The following SVIL variants were observed in gnomAD, a reference collection of about 807,000 sequenced individuals.
SVIL encodes archvillin.
SVIL carries 101 observed loss-of-function variants against 240.4 expected under a neutral mutation model. The ratio of observed to expected loss-of-function variants is 0.42; its 90% CI spans 0.36 to 0.50. SVIL has a LOEUF of 0.50. Ranked by LOEUF, SVIL falls within the 20% of genes least tolerant of loss-of-function variation. SVIL has a pLI of 0.01. For synonymous variants in SVIL, 999 were observed against 1,100.0 expected, an observed-to-expected ratio of 0.91 and a Z score of 1.82; for missense variants, 2,512 against 2,818.7, an observed-to-expected ratio of 0.89 and a Z score of 2.46.
chr10:29,624,085 G>T (rs1364149252), intron 1 of SVIL, among the ~76,000 whole-genome samples: 6 of 145,260 alleles, frequency 4.1e-5, no homozygotes, highest in African/African-American at 1.5e-4. Flanking sequence ...ACATGCATTT[G>T]TTCTTCACTT....
At chr10:29,567,961 G>A (rs1412616102) in intron 2 of SVIL, among the ~76,000 whole-genome samples, 1 of 150,816 alleles carries the variant, frequency 6.6e-6, no homozygotes, top group Non-Finnish European at 1.5e-5. Flanking sequence ...AGCTTGCAGT[G>A]AGCTGAGATC....
chr10:29,545,620 G>A (rs948300217), intron 6 of SVIL, among the ~76,000 whole-genome samples: 2 of 152,110 alleles, frequency 1.3e-5, no homozygotes, highest in East Asian at 1.9e-4. Flanking sequence ...ATTTTAGGAC[G>A]CCGAGGTGGG....
intron 1 of SVIL, among the ~76,000 whole-genome samples, chr10:29,705,982 T>G (rs978160173): frequency 1.3e-5 from 2 of 152,228 alleles, no homozygotes; most frequent in African/African-American, 4.8e-5. Context: ...GAATAATTGA[T>G]TTATATTCCT....
rs74494828 is a variant in SVIL at position 29,716,648 on chromosome 10, A to G, written c.-400+19103T>C. Among the ~76,000 whole-genome samples, 11 of 152,346 alleles carry G rather than the reference A, an allele frequency of 7.2e-5. No homozygotes were observed. The East Asian group carries it at 2.1e-3, about 29-fold the overall frequency. ...CCCCTCGACAGTCAAAAACAGATCA[A>G]TGAAATTAGTCACTCAAAATAAGAA... On this transcript the variant is annotated intron_variant, in intron 1 of 35. Coordinates refer to the SVIL transcript ENST00000375400.
chr10:29,729,897 G>A (rs117123013), intron 1 of SVIL, among the ~76,000 whole-genome samples: 1,674 of 144,020 alleles, frequency 0.012, 26 homozygotes, highest in Non-Finnish European at 0.018. Flanking sequence ...ACTTAGAAAC[G>A]TAACATGATG....
chr10:29,683,170 G>T (rs1301447279), intron 2 of SVIL, among the ~76,000 whole-genome samples: 1 of 152,198 alleles, frequency 6.6e-6, no homozygotes. Context: ...GCTGGGAGTG[G>T]GGGTGAGGGC....
chr10:29,494,862 A>C, intron 20 of SVIL, 52 bp downstream of exon 20: 1 of 1,557,158 alleles, frequency 6.4e-7, no homozygotes, highest in Non-Finnish European at 8.8e-7. Context: ...AAGCAATCAG[A>C]ATTAGGATTT....
intron 1 of SVIL, among the ~76,000 whole-genome samples, chr10:29,614,203 T>A (rs571678598): frequency 9.2e-5 from 14 of 152,324 alleles, no homozygotes; most frequent in Admixed American, 3.9e-4. Flanking sequence ...TTTACTTTTA[T>A]CACTGAAGTT....
At chr10:29,529,189 A>C (rs1432808996) in intron 12 of SVIL, among the ~76,000 whole-genome samples, 1 of 149,730 alleles carries the variant, frequency 6.7e-6, no homozygotes. Flanking sequence ...AAAAAAAAAA[A>C]AAAAAAAAAA....
intron 2 of SVIL, among the ~76,000 whole-genome samples, chr10:29,679,159 T>C (rs1330462755): frequency 6.6e-6 from 1 of 152,136 alleles, no homozygotes; most frequent in Non-Finnish European, 1.5e-5. Flanking sequence ...GAGCAGAGAT[T>C]GTGCCACTGC....
chr10:29,473,675 C>T, intron 30 of SVIL, 163 bp downstream of exon 30: 1 of 826,078 alleles, frequency 1.2e-6, no homozygotes, highest in Non-Finnish European at 1.9e-6. Flanking sequence ...AAATGGGAGG[C>T]ACAGCCTGAG....
At chr10:29,508,464 T>C in intron 17 of SVIL, 1 of 1,187,644 alleles carries the variant, frequency 8.4e-7, no homozygotes, top group Non-Finnish European at 1.1e-6. Context: ...CGCAATCACC[T>C]TCAAGTATTT....
At chr10:29,635,943 CT>C (rs1483396258), upstream of SVIL, among the ~76,000 whole-genome samples, 2 of 152,154 alleles carry the variant, frequency 1.3e-5, no homozygotes, top group Non-Finnish European at 2.9e-5. Flanking sequence ...CAGGAGGCCT[CT>C]CAAAGCAGGA....
At position 29,523,612 on chromosome 10, in the gene SVIL, A is replaced by G; in HGVS notation, c.3002T>C (p.Leu1001Pro). ...SKYAVPRRGS[L>P]ERANPPITHL... ...GGTGATGGGAGGGTTCGCCCGTTCCAGGCTTCCTCTTCTGGGAACAGCATA... is the reference window on the plus strand; with the variant it reads ...GGTGATGGGAGGGTTCGCCCGTTCCGGGCTTCCTCTTCTGGGAACAGCATA... Residue 1001 changes from leucine to proline, a missense_variant, in exon 15 of 38, where the codon CTG (leucine) becomes CCG (proline). Coordinates refer to ENST00000355867, the MANE Select transcript of SVIL (RefSeq NM_021738.3). 2 of 1,614,194 alleles carry G rather than the reference A, an allele frequency of 1.2e-6. No homozygotes were observed. Among genetic ancestry groups the G allele is most frequent in the East Asian group, 2.2e-5 (1 of 44,882 alleles).
chr10:29,603,012 A>G (rs1272012886), intron 1 of SVIL, among the ~76,000 whole-genome samples: 1 of 152,218 alleles, frequency 6.6e-6, no homozygotes, highest in Non-Finnish European at 1.5e-5. Flanking sequence ...GAGGTATATC[A>G]GTTGTTTTAA....
chr10:29,524,573 C>A lies in SVIL; in HGVS notation c.2485G>T (p.Val829Phe). The change falls in exon 14 of 38, where the codon GTC (valine) becomes TTC (phenylalanine). Residue 829 changes from valine (V) to phenylalanine (F), a missense_variant. This residue lies in a region of SVIL where 1,443 missense variants were observed against 1,486.6 expected (regional missense o/e 0.97). Coordinates refer to ENST00000355867, the MANE Select transcript of SVIL (RefSeq NM_021738.3). ...TTCCGGGTAGAAATCGCTTTTGAGA[C>A]TGGCTGGGACAATTTGTTAAACAAG... Reference protein sequence around the residue: ...LALFNKLSQPVSKAISTRNRI... With the variant: ...LALFNKLSQPFSKAISTRNRI... The A allele has an allele frequency of 6.2e-7, 1 of 1,614,148 alleles. No homozygotes were observed. The highest frequency in any genetic ancestry group is 8.5e-7 in the Non-Finnish European group (1 of 1,180,042).
At chr10:29,589,847 A>G (rs1443909283) in intron 1 of SVIL, among the ~76,000 whole-genome samples, 2 of 152,146 alleles carry the variant, frequency 1.3e-5, no homozygotes, top group African/African-American at 4.8e-5. Flanking sequence ...ATGTCTACTG[A>G]ACTAAAATTA....
At chr10:29,714,308 A>G (rs1053512331) in intron 1 of SVIL, among the ~76,000 whole-genome samples, 2 of 152,198 alleles carry the variant, frequency 1.3e-5, no homozygotes, top group African/African-American at 4.8e-5. Flanking sequence ...GACATAGATG[A>G]ACCAATACTT....
In SVIL at chr10:29,634,713, T is replaced by A. The variant is rs1037135210; in HGVS notation, c.-494A>T. On this transcript the variant is annotated 5_prime_UTR_variant, in exon 1 of 38. Coordinates refer to ENST00000355867, the MANE Select transcript of SVIL (RefSeq NM_021738.3). ...GAAGCGATGATGATTCAGAACAGGA[T>A]AAATTTAGAATGGTGTTTTCCAAAA... is the stretch of plus-strand genomic sequence containing the variant. The A allele has an allele frequency of 1.3e-5, 2 of 152,180 alleles. No individual in the cohort carries two copies. Among genetic ancestry groups the A allele is most frequent in the Non-Finnish European group, 2.9e-5 (2 of 68,026 alleles). 9.4% of individuals were successfully genotyped at this position (152,180 alleles called of 1,614,324 possible).
Sources: gnomAD v4.1 joint callset for allele counts (sites outside exome capture counted in the v4.1 genomes callset) on GRCh38, gnomAD v4.1.1 for gene constraint, gnomAD v4.1.1 regional missense constraint, MANE v1.5 for transcripts, NCBI Gene and HGNC (gene_info 2026-07-23, HGNC 2026-07-21) for gene names.